Variants in ZNF184 observed in about 807,000 individuals in gnomAD.
ZNF184 encodes zinc finger protein 184, also known as zinc finger protein 184 (Kruppel-like).
ZNF184 carries 16 observed loss-of-function variants against 54.4 expected under a neutral mutation model. The observed-to-expected ratio is 0.29, with a 90% CI of 0.20 to 0.45. The LOEUF (loss-of-function observed/expected upper bound fraction) is 0.45, where lower values mean the gene tolerates loss of function less well. Among genes scored for constraint, ZNF184 ranks in the 20% least tolerant of loss-of-function variants. The pLI is 1.00. For synonymous variants in ZNF184, 254 were observed against 295.3 expected, an observed-to-expected ratio of 0.86 and a Z score of 1.43; for missense variants, 681 against 888.2, an observed-to-expected ratio of 0.77 and a Z score of 2.97.
chr6:27,430,768 A>G, the ZNF184 span, among the ~76,000 whole-genome samples: 1 of 152,236 alleles, frequency 6.6e-6, no homozygotes, highest in Admixed American at 6.5e-5. Flanking sequence ...TGCAGTGTTC[A>G]TAGGAAACAA....
intron 3 of ZNF184, among the ~76,000 whole-genome samples, chr6:27,462,864 CAA>C (rs1275604769): frequency 1.7e-4 from 12 of 70,084 alleles, no homozygotes; most frequent in African/African-American, 1.7e-4. Context: ...GACTCTGTCT[CAA>C]AAAAAAAAAA....
chr6:27,425,350 G>A, the ZNF184 span, among the ~76,000 whole-genome samples: 1 of 152,266 alleles, frequency 6.6e-6, no homozygotes, highest in Non-Finnish European at 1.5e-5. Context: ...CGCCGAGAGC[G>A]AGCGAGGGCT....
chr6:27,443,432 A>G, the ZNF184 span, among the ~76,000 whole-genome samples: 1 of 152,068 alleles, frequency 6.6e-6, no homozygotes, highest in Non-Finnish European at 1.5e-5. Context: ...CCTTCCTCAC[A>G]CTTCCCATGA....
chr6:27,425,372 C>A, the ZNF184 span, among the ~76,000 whole-genome samples: 1 of 152,248 alleles, frequency 6.6e-6, no homozygotes, highest in East Asian at 1.9e-4. Flanking sequence ...TGAGGACTGC[C>A]AGCACGCTGT....
chr6:27,469,135 C>T (rs1763211634), intron 2 of ZNF184, among the ~76,000 whole-genome samples: 1 of 152,306 alleles, frequency 6.6e-6, no homozygotes, highest in Non-Finnish European at 1.5e-5. Flanking sequence ...CCCTTGTCTT[C>T]TTTAGGCTTC....
At chr6:27,438,118 A>T in the ZNF184 span, among the ~76,000 whole-genome samples, 1 of 152,138 alleles carries the variant, frequency 6.6e-6, no homozygotes, top group East Asian at 1.9e-4. Context: ...ATCAGGGCCC[A>T]TATTAAAATG....
rs1184250716 is a variant in ZNF184, at chr6:27,472,418, G to A, written c.-124C>T. 2.4e-6 allele frequency: 3 copies of A among 1,253,360 alleles called. No homozygotes were observed. The African/African-American group carries it at 4.5e-5, about 19-fold the overall frequency. The allele number at this position is 1,253,360 out of a possible 1,614,324, so 77.6% of individuals were successfully genotyped here. A position where few individuals can be genotyped will look rare whatever the true frequency, so the allele number is the denominator to read the frequency against. On this transcript the variant is annotated 5_prime_UTR_variant, in exon 2 of 6. Coordinates refer to ENST00000683788, the MANE Select transcript of ZNF184 (RefSeq NM_001318891.2). The surrounding 1 kb of genome is among the most constrained non-coding windows in gnomAD (Gnocchi z 4.8). ...TCCCCTTGCAGGGAATCTGCAACAC[G>A]CTGAGGTTGTCTACCCTAAAAGACA...
chr6:27,427,654 A>T, the ZNF184 span, among the ~76,000 whole-genome samples: 1 of 152,212 alleles, frequency 6.6e-6, no homozygotes. Context: ...CTCAAGACCC[A>T]CATTTCCAGC....
At chr6:27,404,701 T>A in the ZNF184 span, 1 of 152,214 alleles carries the variant, frequency 6.6e-6, no homozygotes, top group South Asian at 2.1e-4. Flanking sequence ...ACAAACTTAC[T>A]GCACTGCCAA....
At chr6:27,425,977 A>G in the ZNF184 span, among the ~76,000 whole-genome samples, 2 of 152,212 alleles carry the variant, frequency 1.3e-5, no homozygotes, top group African/African-American at 4.8e-5. Context: ...TGCCTCTACC[A>G]ATTTCAAGCA....
rs200203668 is a variant in ZNF184 at position 27,457,278 on chromosome 6, C to T, written c.202+5G>A. On this transcript the variant is annotated splice_donor_5th_base_variant and intron_variant, in intron 4 of 5. Transcript: ENST00000683788. Reference sequence around the variant, plus strand: ...TTGATATTAACTCAGAGAAATTATCCTTACCTATAGAGACCAGGTGTGTAT... The same window carrying T: ...TTGATATTAACTCAGAGAAATTATCTTTACCTATAGAGACCAGGTGTGTAT... The T allele has an allele frequency of 5.6e-6, 9 of 1,613,282 alleles. No homozygotes were observed. In the African/African-American group the frequency reaches 1.2e-4, roughly 22 times the overall value.
chr6:27,465,312 G>A (rs566925198), intron 3 of ZNF184, among the ~76,000 whole-genome samples: 7 of 151,092 alleles, frequency 4.6e-5, no homozygotes, highest in Non-Finnish European at 7.4e-5. Context: ...GGGAAACCCT[G>A]TCTCGACTAA....
downstream of ZNF184, among the ~76,000 whole-genome samples, chr6:27,447,586 G>A (rs1178637133): frequency 2.0e-5 from 3 of 151,998 alleles, no homozygotes; most frequent in Non-Finnish European, 4.4e-5. Context: ...GGTGGCAGGC[G>A]CCCGTAATCC....
the ZNF184 span, among the ~76,000 whole-genome samples, chr6:27,410,825 C>T: frequency 1.3e-5 from 2 of 152,134 alleles, no homozygotes; most frequent in Non-Finnish European, 2.9e-5. Context: ...AGCCACTGCC[C>T]CCAGCTATGG....
chr6:27,406,092 C>T, the ZNF184 span: 1 of 152,140 alleles, frequency 6.6e-6, no homozygotes, highest in South Asian at 2.1e-4. Context: ...TATAATGGGG[C>T]TATACATATA....
intron 3 of ZNF184, among the ~76,000 whole-genome samples, chr6:27,464,887 A>G (rs917838344): frequency 4.6e-5 from 7 of 151,292 alleles, no homozygotes; most frequent in Non-Finnish European, 7.4e-5. Flanking sequence ...CTTGGTGGCG[A>G]GCGCCAGTAG....
At chr6:27,430,600 G>A in the ZNF184 span, among the ~76,000 whole-genome samples, 1 of 152,122 alleles carries the variant, frequency 6.6e-6, no homozygotes, top group Admixed American at 6.6e-5. Flanking sequence ...AGGAATCCTG[G>A]CAACTACCAC....
downstream of ZNF184, among the ~76,000 whole-genome samples, chr6:27,450,292 G>A (rs1459146517): frequency 6.6e-6 from 1 of 152,108 alleles, no homozygotes; most frequent in African/African-American, 2.4e-5. Flanking sequence ...CAGGTGTTAT[G>A]GACTTAATAT....
the ZNF184 span, among the ~76,000 whole-genome samples, chr6:27,415,015 C>T: frequency 6.6e-6 from 1 of 152,174 alleles, no homozygotes; most frequent in Non-Finnish European, 1.5e-5. Context: ...AAAGTATCTT[C>T]CCTTCCTACC....
Sources: gnomAD v4.1 joint callset for allele counts (sites outside exome capture counted in the v4.1 genomes callset) on GRCh38, gnomAD v4.1.1 for gene constraint, Gnocchi (gnomAD v3.1) non-coding constraint, MANE v1.5 for transcripts, NCBI Gene and HGNC (gene_info 2026-07-23, HGNC 2026-07-21) for gene names.